NAV2: variants seen among roughly 807,000 people sequenced by gnomAD.
NAV2 encodes helicase, APC down-regulated 1.
In NAV2, 54 loss-of-function variants were observed where a neutral mutation model predicts 223.2. The observed-to-expected ratio is 0.24, with a 90% CI of 0.19 to 0.30. The LOEUF is 0.30. Ranked by LOEUF, NAV2 falls within the 10% of genes least tolerant of loss-of-function variation. NAV2 has a pLI of 1.00. For missense variants in NAV2, 2,806 were observed against 3,147.5 expected (o/e 0.89, Z 2.60); for synonymous variants, 1,279 against 1,239.3 (o/e 1.03, Z -0.67).
chr11:19,434,238 G>A (rs961896103), intron 1 of NAV2, among the ~76,000 whole-genome samples: 2 of 152,190 alleles, frequency 1.3e-5, no homozygotes, highest in Admixed American at 6.5e-5. Context: ...TTGGACCAAG[G>A]CATCAGATTT....
At chr11:19,918,218 C>T (rs2099895) in intron 6 of NAV2, among the ~76,000 whole-genome samples, 85,213 of 152,122 alleles carry the variant, frequency 0.56, 24,305 homozygotes, top group South Asian at 0.71. Flanking sequence ...ACATTGCATT[C>T]GGGTCTGCCA....
Position 19,798,659 on chromosome 11 carries a change from C to T in NAV2, c.268-33825C>T, listed in dbSNP as rs182630395. On this transcript the variant is annotated intron_variant, in intron 1 of 37. Coordinates refer to ENST00000349880, the MANE Select transcript of NAV2 (RefSeq NM_145117.5). ...GGTTTTGGGGATCTGCAACTGATAC[C>T]GTGTCAAATACTGTGTCAGATGCTT... Among the ~76,000 whole-genome samples, 11 of 152,222 alleles carry T rather than the reference C, an allele frequency of 7.2e-5. No individual in the cohort carries two copies. The East Asian group carries it at 1.7e-3, about 24-fold the overall frequency.
intron 1 of NAV2, among the ~76,000 whole-genome samples, chr11:19,674,375 G>T (rs904804080): frequency 1.3e-5 from 2 of 152,234 alleles, no homozygotes; most frequent in African/African-American, 4.8e-5. Flanking sequence ...GGGCCAGAGG[G>T]CCACTCTTGA....
At chr11:19,590,109 G>A (rs183856483) in intron 1 of NAV2, among the ~76,000 whole-genome samples, 1 of 152,264 alleles carries the variant, frequency 6.6e-6, no homozygotes, top group Admixed American at 6.5e-5. Context: ...CCACTGTGCC[G>A]ACGTTTTCTC....
At chr11:19,431,120 C>T (rs2133594822) in intron 1 of NAV2, among the ~76,000 whole-genome samples, 1 of 152,320 alleles carries the variant, frequency 6.6e-6, no homozygotes, top group East Asian at 1.9e-4. Flanking sequence ...TGGAAGCTGC[C>T]CACAGCTAGT....
chr11:19,840,586 T>G (rs2060457383), intron 2 of NAV2, among the ~76,000 whole-genome samples: 1 of 152,196 alleles, frequency 6.6e-6, no homozygotes, highest in Non-Finnish European at 1.5e-5. Context: ...AAGCTGCATA[T>G]TTATTCTCTC....
At chr11:20,023,872 T>C (rs2054779542) in intron 11 of NAV2, among the ~76,000 whole-genome samples, 1 of 152,314 alleles carries the variant, frequency 6.6e-6, no homozygotes, top group East Asian at 1.9e-4. Context: ...ACAATGTTCA[T>C]GACCACCTAC....
chr11:19,991,592 T>C (rs1339199284), intron 11 of NAV2, among the ~76,000 whole-genome samples: 1 of 152,188 alleles, frequency 6.6e-6, no homozygotes, highest in Non-Finnish European at 1.5e-5. Flanking sequence ...AGAACAATTA[T>C]AAAATAAACG....
intron 1 of NAV2, among the ~76,000 whole-genome samples, chr11:19,664,113 C>T (rs528185561): frequency 6.6e-6 from 1 of 152,334 alleles, no homozygotes; most frequent in African/African-American, 2.4e-5. Flanking sequence ...AGGTAGGGAA[C>T]CAGACCTCCC....
chr11:19,680,862 T>A (rs1251012831), intron 1 of NAV2, among the ~76,000 whole-genome samples: 2 of 152,210 alleles, frequency 1.3e-5, no homozygotes, highest in Non-Finnish European at 2.9e-5. Flanking sequence ...TTTGCACCTG[T>A]CATTTCAGTA....
chr11:19,353,411 G>A (rs951473127), intron 1 of NAV2, among the ~76,000 whole-genome samples: 2 of 152,150 alleles, frequency 1.3e-5, no homozygotes, highest in South Asian at 2.1e-4. Flanking sequence ...TTGTGGGTAC[G>A]TGCATATACC....
intron 1 of NAV2, among the ~76,000 whole-genome samples, chr11:19,581,173 G>A (rs985295285): frequency 1.3e-5 from 2 of 152,082 alleles, no homozygotes; most frequent in African/African-American, 2.4e-5. Context: ...TAATCTGTAG[G>A]TTGTTATATA....
At chr11:19,975,123 G>A (rs1394696437) in intron 10 of NAV2, among the ~76,000 whole-genome samples, 3 of 152,140 alleles carry the variant, frequency 2.0e-5, no homozygotes, top group Non-Finnish European at 4.4e-5. Context: ...TCAGAAGGTG[G>A]ACAAAAAGCT....
chr11:19,348,116 G>A (rs939984511), upstream of NAV2, among the ~76,000 whole-genome samples: 4 of 152,182 alleles, frequency 2.6e-5, no homozygotes, highest in Admixed American at 6.5e-5. Context: ...TTTCTGTGGC[G>A]AGAGCGTCTG....
At chr11:19,581,337 C>T (rs529752976) in intron 1 of NAV2, among the ~76,000 whole-genome samples, 2 of 152,236 alleles carry the variant, frequency 1.3e-5, no homozygotes, top group East Asian at 3.9e-4. Flanking sequence ...TTCTCTGAAT[C>T]TCCTTTAATT....
intron 20 of NAV2, among the ~76,000 whole-genome samples, chr11:20,063,602 T>C (rs1422316968): frequency 6.6e-6 from 1 of 152,124 alleles, no homozygotes; most frequent in Non-Finnish European, 1.5e-5. Flanking sequence ...CTTGAACTCC[T>C]GACCTCAAGT....
At chr11:19,368,419 T>G (rs1481191378) in intron 1 of NAV2, among the ~76,000 whole-genome samples, 1 of 152,196 alleles carries the variant, frequency 6.6e-6, no homozygotes, top group Non-Finnish European at 1.5e-5. Flanking sequence ...GGGGCCAAGC[T>G]TCTTCCCATC....
chr11:19,897,938 C>G lies in NAV2; in HGVS notation c.931+5344C>G, dbSNP rs187283573. 7.5e-4 allele frequency among the ~76,000 whole-genome samples: 103 copies of G among 136,978 alleles called. 1 individual carries two copies. The highest frequency in any genetic ancestry group is 2.7e-3 in the African/African-American group (98 of 35,838). The allele number at this position is 136,978 out of a possible 152,430, so 89.9% of individuals were successfully genotyped here. A position where few individuals can be genotyped will look rare whatever the true frequency, so the allele number is the denominator to read the frequency against. On this transcript the variant is annotated intron_variant, in intron 6 of 37. Transcript: ENST00000349880. The stretch of plus-strand genomic sequence containing the variant: ...GATTTGCCCGCAGGAAGACTACTCA[C>G]TTCTGTTGACTCCAAGTGGCCCTAG...
chr11:19,644,087 C>CACACAA (rs2047748829), intron 1 of NAV2, among the ~76,000 whole-genome samples: 2 of 152,270 alleles, frequency 1.3e-5, no homozygotes, highest in South Asian at 4.1e-4. Context: ...TGTGCACACA[C>CACACAA]ACACACACAG....
Sources: allele counts gnomAD v4.1 joint callset (sites outside exome capture counted in the v4.1 genomes callset), GRCh38; gene constraint gnomAD v4.1.1; transcripts MANE v1.5; gene names NCBI Gene and HGNC (gene_info 2026-07-23, HGNC 2026-07-21).